Variants in PPP2R2B observed in about 807,000 individuals in gnomAD.
The protein encoded by PPP2R2B is protein phosphatase 2 regulatory subunit Bbeta, also known as serine/threonine-protein phosphatase 2A 55 kDa regulatory subunit B beta isoform.
Under a neutral mutation model 46.0 loss-of-function variants are expected in PPP2R2B, and 5 were observed. The ratio of observed to expected loss-of-function variants is 0.11; its 90% CI spans 0.06 to 0.23. The LOEUF (loss-of-function observed/expected upper bound fraction) is 0.23. Among genes scored for constraint, PPP2R2B ranks in the 10% least tolerant of loss-of-function variants. The pLI, the probability that PPP2R2B is intolerant of heterozygous loss-of-function variation, is 1.00. For missense variants in PPP2R2B, 367 were observed against 575.0 expected, an observed-to-expected ratio of 0.64 and a Z score of 3.70; for synonymous variants, 215 against 206.7, an observed-to-expected ratio of 1.04 and a Z score of -0.34.
chr5:146,646,298 T>C (rs1369333554), intron 6 of PPP2R2B, among the ~76,000 whole-genome samples: 1 of 152,178 alleles, frequency 6.6e-6, no homozygotes, highest in Non-Finnish European at 1.5e-5. Flanking sequence ...TCATTCTTAG[T>C]CCTGCAAAAA....
chr5:146,835,445 T>C (rs1461800461), intron 2 of PPP2R2B, among the ~76,000 whole-genome samples: 1 of 152,122 alleles, frequency 6.6e-6, no homozygotes, highest in Non-Finnish European at 1.5e-5. Flanking sequence ...CCCACCCTCA[T>C]GAAGCATGTT....
intron 1 of PPP2R2B, among the ~76,000 whole-genome samples, chr5:147,033,135 T>C (rs1326327885): frequency 1.3e-5 from 2 of 152,182 alleles, no homozygotes; most frequent in African/African-American, 4.8e-5. Flanking sequence ...ATGCAATCAG[T>C]GGACCTAAAA....
intron 1 of PPP2R2B, among the ~76,000 whole-genome samples, chr5:146,978,253 A>T (rs1331402961): frequency 6.6e-6 from 1 of 151,976 alleles, no homozygotes; most frequent in South Asian, 2.1e-4. Context: ...CAAGTTCCTT[A>T]TAGATTCTGG....
rs1250752529 is a variant in PPP2R2B, at chr5:146,920,685, A to G, written c.79+134980T>C. Reference sequence around the variant, plus strand: ...GGAAGAGGCTGGCTACGGGGGAGAGAGCCCCAGAGCAGAATGAAGCTCCTG... The same window carrying G: ...GGAAGAGGCTGGCTACGGGGGAGAGGGCCCCAGAGCAGAATGAAGCTCCTG... On this transcript the variant is annotated intron_variant, in intron 1 of 8. Transcript: ENST00000336640. Among the ~76,000 whole-genome samples, 2 of 152,114 alleles carry G rather than the reference A, an allele frequency of 1.3e-5. 1 individual carries two copies. Among genetic ancestry groups the G allele is most frequent in the African/African-American group, 4.8e-5 (2 of 41,414 alleles).
At chr5:146,843,251 T>G (rs10515577) in intron 2 of PPP2R2B, among the ~76,000 whole-genome samples, 23,482 of 152,252 alleles carry the variant, frequency 0.15, 2,147 homozygotes, top group East Asian at 0.37. Flanking sequence ...GGGTCTTGAT[T>G]ACATCTTTTT....
chr5:147,060,404 A>AGTGCC (rs1375332116), upstream of PPP2R2B, among the ~76,000 whole-genome samples: 1 of 152,194 alleles, frequency 6.6e-6, no homozygotes, highest in Non-Finnish European at 1.5e-5. Context: ...CAGTGGGCAG[A>AGTGCC]TCACTTGAAC....
At chr5:146,801,796 G>A (rs1756882903) in intron 2 of PPP2R2B, among the ~76,000 whole-genome samples, 1 of 152,144 alleles carries the variant, frequency 6.6e-6, no homozygotes, top group Admixed American at 6.6e-5. Context: ...CTTAATAAAT[G>A]CTGGCTATTA....
intron 1 of PPP2R2B, among the ~76,000 whole-genome samples, chr5:147,016,542 G>C (rs1046420852): frequency 4.6e-5 from 7 of 151,924 alleles, no homozygotes; most frequent in Non-Finnish European, 1.0e-4. Context: ...AAATAAGTCT[G>C]AGAAAACATA....
At chr5:146,721,522 C>T (rs1374812587) in intron 2 of PPP2R2B, among the ~76,000 whole-genome samples, 1 of 152,172 alleles carries the variant, frequency 6.6e-6, no homozygotes, top group East Asian at 1.9e-4. Context: ...TGGCACTCTC[C>T]CAACATGAAA....
intron 7 of PPP2R2B, among the ~76,000 whole-genome samples, chr5:146,609,230 G>A (rs1012974086): frequency 1.3e-5 from 2 of 152,140 alleles, no homozygotes; most frequent in Non-Finnish European, 2.9e-5. Flanking sequence ...ATATGACAGA[G>A]CCACCGCTAG....
At chr5:146,844,088 T>A (rs1759831771) in intron 2 of PPP2R2B, among the ~76,000 whole-genome samples, 1 of 151,230 alleles carries the variant, frequency 6.6e-6, no homozygotes, top group Admixed American at 6.6e-5. Context: ...TCATTCTCAG[T>A]AAACTATCGC....
At chr5:146,691,317 G>T in intron 4 of PPP2R2B, 77 bp from the exon 5 acceptor site, 1 of 1,190,682 alleles carries the variant, frequency 8.4e-7, no homozygotes. Flanking sequence ...GGGGCAATGG[G>T]GAGAGGAAGA....
chr5:146,961,194 A>G (rs1752157438), intron 1 of PPP2R2B, among the ~76,000 whole-genome samples: 3 of 152,214 alleles, frequency 2.0e-5, no homozygotes, highest in African/African-American at 7.2e-5. Flanking sequence ...TTGTATCAGT[A>G]TCATCTTCAT....
chr5:146,743,404 T>C (rs1027621047), intron 2 of PPP2R2B, among the ~76,000 whole-genome samples: 6 of 152,216 alleles, frequency 3.9e-5, no homozygotes, highest in Non-Finnish European at 8.8e-5. Flanking sequence ...GAAGGCATCA[T>C]ATTCAGCACT....
At chr5:146,755,956 C>A (rs1753807045) in intron 2 of PPP2R2B, among the ~76,000 whole-genome samples, 1 of 152,188 alleles carries the variant, frequency 6.6e-6, no homozygotes, top group South Asian at 2.1e-4. Flanking sequence ...TCAATCACAG[C>A]ACATTCATTT....
intron 2 of PPP2R2B, among the ~76,000 whole-genome samples, chr5:146,786,032 T>C (rs1478628294): frequency 6.6e-6 from 1 of 152,140 alleles, no homozygotes; most frequent in Non-Finnish European, 1.5e-5. Context: ...AGAGAAGATT[T>C]GGTATCTTCT....
At chr5:146,836,083 A>G (rs1304602417) in intron 2 of PPP2R2B, among the ~76,000 whole-genome samples, 1 of 152,198 alleles carries the variant, frequency 6.6e-6, no homozygotes, top group African/African-American at 2.4e-5. Flanking sequence ...TATTCAATAA[A>G]TATTACTTTA....
At chr5:146,607,676 A>C (rs1772422308) in intron 7 of PPP2R2B, 1 of 152,232 alleles carries the variant, frequency 6.6e-6, no homozygotes, top group African/African-American at 2.4e-5. Flanking sequence ...AATGAATCAA[A>C]ACCTTTTCTT....
In PPP2R2B at chr5:146,584,100, G is replaced by GCAGCA. The variant is rs1429663102; in HGVS notation, c.*5842_*5846dup. On this transcript the variant is annotated 3_prime_UTR_variant, in exon 10 of 10. Transcript: ENST00000394411. Reference sequence around the variant, plus strand: ...CCCAGGTTGACTTTTTGGGGAATGAGCAGCAGGGGCGGGAAGGCTGGGAGT... The same window carrying GCAGCA: ...CCCAGGTTGACTTTTTGGGGAATGAGCAGCACAGCAGGGGCGGGAAGGCTGGGAGT... The GCAGCA allele has an allele frequency of 6.6e-6, 1 of 152,546 alleles. No homozygotes were observed. Among genetic ancestry groups the GCAGCA allele is most frequent in the Non-Finnish European group, 1.5e-5 (1 of 68,320 alleles). The allele number at this position is 152,546 out of a possible 1,614,324, so 9.4% of individuals were successfully genotyped here.
Sources: allele counts gnomAD v4.1 joint callset (sites outside exome capture counted in the v4.1 genomes callset), GRCh38; gene constraint gnomAD v4.1.1; transcripts MANE v1.5; gene names NCBI Gene and HGNC (gene_info 2026-07-23, HGNC 2026-07-21).